Variants in SLC24A3 observed in about 807,000 individuals in gnomAD.
SLC24A3 encodes solute carrier family 24 member 3.
SLC24A3 carries 28 observed loss-of-function variants against 75.8 expected under a neutral mutation model. That is an observed-to-expected ratio of 0.37 (90% CI 0.27 to 0.51). SLC24A3 has a LOEUF of 0.51. Among genes scored for constraint, SLC24A3 ranks in the 20% least tolerant of loss-of-function variants. SLC24A3 has a pLI of 0.94. For missense variants in SLC24A3, 663 were observed against 847.8 expected (o/e 0.78, Z 2.71); for synonymous variants, 372 against 334.1 (o/e 1.11, Z -1.24).
chr20:19,337,466 AAATAAATTAATT>A (rs1985162310), intron 2 of SLC24A3, among the ~76,000 whole-genome samples: 3 of 140,202 alleles, frequency 2.1e-5, no homozygotes. Flanking sequence ...ATAAATAAAT[AAATAAATTAATT>A]AATTAATTAA....
At chr20:19,392,393 A>G (rs1986382727) in intron 2 of SLC24A3, among the ~76,000 whole-genome samples, 1 of 152,220 alleles carries the variant, frequency 6.6e-6, no homozygotes, top group African/African-American at 2.4e-5. Context: ...AGTGGAGGAT[A>G]TAGGAACCTT....
At position 19,453,626 on chromosome 20, in the gene SLC24A3, A is replaced by G. The variant is rs116812138; in HGVS notation, c.272-61862A>G. Among the ~76,000 whole-genome samples the G allele has an allele frequency of 3.4e-3, 522 of 152,354 alleles. 3 individuals are homozygous for G. The highest frequency in any genetic ancestry group is 0.012 in the African/African-American group (495 of 41,588). ...CGATGGAGCCTGGAGACAGATGGTCAGTGTTGAAGTTCTACTTGAGGCATA... is the reference window on the plus strand; with the variant it reads ...CGATGGAGCCTGGAGACAGATGGTCGGTGTTGAAGTTCTACTTGAGGCATA... On this transcript the variant is annotated intron_variant, in intron 2 of 16. Coordinates refer to ENST00000328041, the MANE Select transcript of SLC24A3 (RefSeq NM_020689.4).
intron 3 of SLC24A3, among the ~76,000 whole-genome samples, chr20:19,534,977 A>G (rs2030370302): frequency 6.6e-6 from 1 of 152,254 alleles, no homozygotes. Context: ...GGTTTCTCAC[A>G]AACTTTAAAT....
At chr20:19,416,586 G>T (rs1197477635) in intron 2 of SLC24A3, among the ~76,000 whole-genome samples, 1 of 152,152 alleles carries the variant, frequency 6.6e-6, no homozygotes, top group Non-Finnish European at 1.5e-5. Context: ...TTGTCCTGCT[G>T]GTTCCCAATC....
chr20:19,537,457 A>G (rs2030419276), intron 3 of SLC24A3, among the ~76,000 whole-genome samples: 1 of 152,200 alleles, frequency 6.6e-6, no homozygotes, highest in South Asian at 2.1e-4. Flanking sequence ...ACCATTGTGG[A>G]AGTCAGTGTG....
In SLC24A3 at chr20:19,721,040, G is replaced by A; in HGVS notation, c.1835G>A (p.Cys612Tyr). 1.2e-6 allele frequency: 2 copies of A among 1,614,128 alleles called. No homozygotes were observed. Among genetic ancestry groups the A allele is most frequent in the East Asian group, 4.5e-5 (2 of 44,854 alleles). The change falls in exon 17 of 17, where the codon TGT becomes TAT. Residue 612 changes from cysteine to tyrosine, a missense_variant. By Grantham distance (194) the Cys-to-Tyr change is radical. This residue lies in a region of SLC24A3 where 510 missense variants were observed against 703.6 expected (regional missense o/e 0.72). Transcript: ENST00000328041. ...NKWQLDKKLG[C>Y]GCLLLYGVFL... The stretch of plus-strand genomic sequence containing the variant: ...TGGCAGCTGGACAAGAAGCTGGGCT[G>A]TGGGTGCCTCCTCCTGTATGGTGTG...
chr20:19,325,414 C>G (rs965618930), intron 2 of SLC24A3, among the ~76,000 whole-genome samples: 3 of 151,830 alleles, frequency 2.0e-5, no homozygotes, highest in Non-Finnish European at 2.9e-5. Context: ...TCACTGCACT[C>G]CAGCCTGGGT....
At chr20:19,539,889 A>G (rs1468721679) in intron 3 of SLC24A3, among the ~76,000 whole-genome samples, 3 of 152,246 alleles carry the variant, frequency 2.0e-5, no homozygotes, top group Non-Finnish European at 4.4e-5. Context: ...CTGTGTGTTC[A>G]GCTTCTTCTT....
At chr20:19,297,120 C>T (rs528589556) in intron 2 of SLC24A3, among the ~76,000 whole-genome samples, 2 of 152,220 alleles carry the variant, frequency 1.3e-5, no homozygotes, top group Non-Finnish European at 2.9e-5. Flanking sequence ...GCTATTATCA[C>T]ATGTTTATCC....
chr20:19,449,795 A>T (rs998808380), intron 2 of SLC24A3, among the ~76,000 whole-genome samples: 2 of 152,200 alleles, frequency 1.3e-5, no homozygotes, highest in Admixed American at 1.3e-4. Context: ...CCTGTTCTGT[A>T]TCTAGGGGTC....
At chr20:19,703,878 GC>G (rs2032899751) in intron 15 of SLC24A3, among the ~76,000 whole-genome samples, 1 of 152,164 alleles carries the variant, frequency 6.6e-6, no homozygotes, top group African/African-American at 2.4e-5. Flanking sequence ...GGTTACAGGG[GC>G]CCCAACCAAG....
chr20:19,381,265 A>G (rs1432559491), intron 2 of SLC24A3, among the ~76,000 whole-genome samples: 1 of 152,248 alleles, frequency 6.6e-6, no homozygotes, highest in African/African-American at 2.4e-5. Context: ...ACTAAGTTCC[A>G]GCCACCATGG....
chr20:19,633,648 CAAAAAAAAA>C (rs61251598), intron 6 of SLC24A3, among the ~76,000 whole-genome samples: 3 of 85,096 alleles, frequency 3.5e-5, no homozygotes, highest in Admixed American at 1.4e-4. Context: ...GACTCCGTCT[CAAAAAAAAA>C]AAAAAAAAAA....
intron 2 of SLC24A3, among the ~76,000 whole-genome samples, chr20:19,325,789 TATATATAGAG>T (rs1404537745): frequency 7.5e-4 from 69 of 92,476 alleles, no homozygotes; most frequent in South Asian, 1.3e-3. Flanking sequence ...TATATATATA[TATATATAGAG>T]AGAGAGAGAG....
intron 6 of SLC24A3, among the ~76,000 whole-genome samples, chr20:19,601,860 G>A (rs1044230094): frequency 4.6e-5 from 7 of 152,310 alleles, no homozygotes; most frequent in African/African-American, 1.7e-4. Flanking sequence ...AATAGGAGTA[G>A]TAGTAGCATT....
intron 2 of SLC24A3, among the ~76,000 whole-genome samples, chr20:19,431,693 A>G (rs768972451): frequency 2.6e-5 from 4 of 151,424 alleles, no homozygotes; most frequent in Non-Finnish European, 5.9e-5. Flanking sequence ...CAGAAAATCA[A>G]CAATTCACTC....
intron 6 of SLC24A3, among the ~76,000 whole-genome samples, chr20:19,599,639 C>G (rs1018730265): frequency 6.6e-6 from 1 of 152,194 alleles, no homozygotes; most frequent in Non-Finnish European, 1.5e-5. Context: ...GACTCTATTC[C>G]GAGCTACGTT....
At chr20:19,531,576 G>A (rs2030299982) in intron 3 of SLC24A3, among the ~76,000 whole-genome samples, 1 of 152,340 alleles carries the variant, frequency 6.6e-6, no homozygotes, top group Non-Finnish European at 1.5e-5. Context: ...AGTAAGGCTT[G>A]GAGGAAGAAT....
intron 3 of SLC24A3, among the ~76,000 whole-genome samples, chr20:19,550,482 T>A (rs2030673791): frequency 6.6e-6 from 1 of 152,164 alleles, no homozygotes; most frequent in South Asian, 2.1e-4. Flanking sequence ...TTAAAAAGAA[T>A]AGTTCTACCT....
Sources: gnomAD v4.1 joint callset for allele counts (sites outside exome capture counted in the v4.1 genomes callset) on GRCh38, gnomAD v4.1.1 for gene constraint, gnomAD v4.1.1 regional missense constraint, MANE v1.5 for transcripts, NCBI Gene and HGNC (gene_info 2026-07-23, HGNC 2026-07-21) for gene names.